MAP4K3: variants seen among roughly 807,000 people sequenced by gnomAD.
MAP4K3 encodes mitogen-activated protein kinase kinase kinase kinase 3.
MAP4K3 carries 94 observed loss-of-function variants against 143.5 expected under a neutral mutation model. The ratio of observed to expected loss-of-function variants is 0.65; its 90% CI spans 0.55 to 0.78. The LOEUF is 0.78. Ranked by LOEUF, MAP4K3 falls within the 30% of genes least tolerant of loss-of-function variation. The probability of loss-of-function intolerance (pLI) is 0.00; values close to 1 mark genes in which losing one functional copy is unlikely to be tolerated. For synonymous variants in MAP4K3, 416 were observed against 347.2 expected (o/e 1.20, Z -2.20); for missense variants, 1,077 against 1,068.1 (o/e 1.01, Z -0.12).
intron 3 of MAP4K3, among the ~76,000 whole-genome samples, chr2:39,355,232 G>A (rs773391355): frequency 3.9e-5 from 6 of 152,020 alleles, no homozygotes; most frequent in South Asian, 2.1e-4. Context: ...GTGGTGCCAC[G>A]TGGCTGCAGT....
intron 26 of MAP4K3, among the ~76,000 whole-genome samples, chr2:39,271,409 A>G (rs1024997144): frequency 6.6e-6 from 1 of 152,220 alleles, no homozygotes; most frequent in Non-Finnish European, 1.5e-5. Flanking sequence ...TTGCTTTACA[A>G]CAAATATTAT....
At chr2:39,360,174 T>C (rs2148557519) in intron 2 of MAP4K3, among the ~76,000 whole-genome samples, 1 of 152,306 alleles carries the variant, frequency 6.6e-6, no homozygotes, top group South Asian at 2.1e-4. Context: ...ATCATCTCTC[T>C]CAAGTTCAAA....
chr2:39,370,774 T>C (rs1395425171), intron 2 of MAP4K3, among the ~76,000 whole-genome samples: 1 of 152,220 alleles, frequency 6.6e-6, no homozygotes, highest in African/African-American at 2.4e-5. Flanking sequence ...AGTTGCTACC[T>C]AATGAATCAC....
intron 18 of MAP4K3, 105 bp downstream of exon 18, chr2:39,292,668 T>C (rs1640806336): frequency 3.4e-6 from 3 of 874,080 alleles, no homozygotes; most frequent in Admixed American, 3.6e-5. Flanking sequence ...ACCCATGATA[T>C]TGTGTTACTG....
At chr2:39,288,823 C>T (rs1393307845) in intron 19 of MAP4K3, among the ~76,000 whole-genome samples, 8 of 152,076 alleles carry the variant, frequency 5.3e-5, no homozygotes, top group African/African-American at 4.8e-5. Context: ...GAGGCTGAGG[C>T]GAGCGGATCA....
intron 1 of MAP4K3, among the ~76,000 whole-genome samples, chr2:39,407,836 A>C (rs1199307537): frequency 6.6e-6 from 1 of 152,162 alleles, no homozygotes; most frequent in African/African-American, 2.4e-5. Context: ...TCGGCCTCCC[A>C]AAGTGCTGGG....
chr2:39,268,230 T>C (rs1680851132), intron 26 of MAP4K3, among the ~76,000 whole-genome samples: 1 of 152,152 alleles, frequency 6.6e-6, no homozygotes. Context: ...CACTCAAATG[T>C]CTTTTAAAAT....
chr2:39,362,223 C>A (rs1483847052), intron 2 of MAP4K3, among the ~76,000 whole-genome samples: 2 of 152,050 alleles, frequency 1.3e-5, no homozygotes. Flanking sequence ...TATCCTGGAT[C>A]ATGTTAAATG....
At position 39,250,521 on chromosome 2, in the gene MAP4K3, C is replaced by A. The variant is rs1680110575; in HGVS notation, c.*97G>T. ...CAATAAATTACAAAGTAACTGAAGA[C>A]AGGTTACTGCAGCTTTTGTACAGCT... On this transcript the variant is annotated 3_prime_UTR_variant, in exon 34 of 34. Transcript: ENST00000263881. The A allele has an allele frequency of 8.9e-7, 1 of 1,121,528 alleles. No individual in the cohort carries two copies. The highest frequency in any genetic ancestry group is 2.3e-5 in the Admixed American group (1 of 43,214). The allele number at this position is 1,121,528 out of a possible 1,614,324, so 69.5% of individuals were successfully genotyped here.
At chr2:39,372,208 A>C (rs1666101040) in intron 2 of MAP4K3, among the ~76,000 whole-genome samples, 1 of 151,514 alleles carries the variant, frequency 6.6e-6, no homozygotes, top group South Asian at 2.1e-4. Context: ...AAATAAAATA[A>C]AACACCTAGG....
chr2:39,250,839 G>C, intron 33 of MAP4K3, 134 bp from the exon 34 acceptor site: 1 of 696,572 alleles, frequency 1.4e-6, no homozygotes, highest in Non-Finnish European at 2.4e-6. Flanking sequence ...GAAATCATTT[G>C]CTATCACTGT....
Position 39,344,599 on chromosome 2 carries a change from A to G in MAP4K3, c.246-1147T>C, listed in dbSNP as rs959628482. On this transcript the variant is annotated intron_variant, in intron 3 of 33. Coordinates refer to ENST00000263881, the MANE Select transcript of MAP4K3 (RefSeq NM_003618.4). The stretch of plus-strand genomic sequence containing the variant: ...GCCCACAAAGCCTAAAATATTTACT[A>G]TGTATCCCTTTATAGAAAAAGTCTG... Among the ~76,000 whole-genome samples, 51 of 152,186 alleles carry G rather than the reference A, an allele frequency of 3.4e-4. 1 individual carries two copies. Among genetic ancestry groups the G allele is most frequent in the Non-Finnish European group, 1.2e-4 (8 of 68,034 alleles).
intron 12 of MAP4K3, among the ~76,000 whole-genome samples, chr2:39,324,333 G>A (rs1683416278): frequency 6.6e-6 from 1 of 152,056 alleles, no homozygotes; most frequent in Non-Finnish European, 1.5e-5. Context: ...TTTGAACCCA[G>A]GAGGCAGAGG....
chr2:39,337,480 C>T (rs1349878114), intron 5 of MAP4K3, 46 bp downstream of exon 5: 16 of 1,426,568 alleles, frequency 1.1e-5, no homozygotes, highest in Non-Finnish European at 1.5e-5. Flanking sequence ...TAAGTAAAGC[C>T]TTAGTTTAAT....
At chr2:39,252,934 T>C (rs925570210) in intron 32 of MAP4K3, among the ~76,000 whole-genome samples, 1 of 152,230 alleles carries the variant, frequency 6.6e-6, no homozygotes, top group East Asian at 1.9e-4. Context: ...GGGCTGCCTG[T>C]GTAGTTCTCA....
chr2:39,420,079 C>G (rs898197020), intron 1 of MAP4K3, among the ~76,000 whole-genome samples: 2 of 152,174 alleles, frequency 1.3e-5, no homozygotes, highest in Non-Finnish European at 2.9e-5. Context: ...ACCCCCTGGC[C>G]TAGGGTCAGA....
At chr2:39,331,355 T>C (rs1683675852) in intron 8 of MAP4K3, among the ~76,000 whole-genome samples, 1 of 152,140 alleles carries the variant, frequency 6.6e-6, no homozygotes, top group Non-Finnish European at 1.5e-5. Context: ...ATAGTTTTTA[T>C]ACTATGATCA....
intron 16 of MAP4K3, 108 bp downstream of exon 16, chr2:39,299,635 A>G: frequency 2.0e-6 from 1 of 506,280 alleles, no homozygotes; most frequent in Non-Finnish European, 3.3e-6. Flanking sequence ...ATTGTAAAAT[A>G]TATCTACCAG....
chr2:39,288,357 A>G lies in MAP4K3; in HGVS notation c.1315-77T>C, dbSNP rs1442229728. The G allele has an allele frequency of 6.0e-6, 8 of 1,328,428 alleles. No individual in the cohort carries two copies. In the East Asian group the frequency reaches 1.6e-4, roughly 27 times the overall value. 82.3% of individuals were successfully genotyped at this position (1,328,428 alleles called of 1,614,324 possible). ...TGAAGTAAGTACTATTATACATTAA[A>G]AGCTTTCAAATTATTTCTACTATAC... On this transcript the variant is annotated intron_variant, in intron 19 of 33. Transcript: ENST00000263881.
Sources: gnomAD v4.1 joint callset for allele counts (sites outside exome capture counted in the v4.1 genomes callset) on GRCh38, gnomAD v4.1.1 for gene constraint, MANE v1.5 for transcripts, NCBI Gene and HGNC (gene_info 2026-07-23, HGNC 2026-07-21) for gene names.